The following TFEB variants were observed in gnomAD, a reference collection of about 807,000 sequenced individuals.
TFEB encodes T-cell transcription factor EB.
In TFEB, 12 loss-of-function variants were observed where a neutral mutation model predicts 48.0. The ratio of observed to expected loss-of-function variants is 0.25; its 90% CI spans 0.16 to 0.40. The LOEUF (loss-of-function observed/expected upper bound fraction) is 0.40, where lower values mean the gene tolerates loss of function less well. Ranked by LOEUF, TFEB falls within the 10% of genes least tolerant of loss-of-function variation. TFEB has a pLI of 1.00. For missense variants in TFEB, 509 were observed against 640.3 expected, an observed-to-expected ratio of 0.79 and a Z score of 2.21; for synonymous variants, 244 against 261.4, an observed-to-expected ratio of 0.93 and a Z score of 0.64.
chr6:41,732,335 G>A (rs1335932786), intron 1 of TFEB, among the ~76,000 whole-genome samples: 3 of 152,192 alleles, frequency 2.0e-5, no homozygotes, highest in African/African-American at 7.2e-5. Context: ...TCCAGGCTGT[G>A]TGATTTTAAG....
chr6:41,684,878 G>A lies in TFEB; in HGVS notation c.1152C>T (p.Pro384=). 3.2e-6 allele frequency: 5 copies of A among 1,569,758 alleles called. No individual in the cohort carries two copies. Among genetic ancestry groups the A allele is most frequent in the South Asian group, 1.2e-5 (1 of 84,166 alleles). Residue 384 remains proline (P), a synonymous_variant, in exon 9 of 9, where the codon CCC becomes CCT. Transcript: ENST00000373033. Reference sequence around the variant, plus strand: ...GATGGAATGGGGATGGTGGCTGGGTGGGCAGGGGCAGCGGGGCTTGCGGGG... The same window carrying A: ...GATGGAATGGGGATGGTGGCTGGGTAGGCAGGGGCAGCGGGGCTTGCGGGG... ...ALPPQAPLPL[P]TQPPSPFHHL... is the part of the protein sequence containing the mutation.
chr6:41,687,003 C>G, intron 7 of TFEB, 91 bp downstream of exon 7: 5 of 1,046,540 alleles, frequency 4.8e-6, no homozygotes, highest in South Asian at 1.3e-5. Flanking sequence ...CTCCTCCCAT[C>G]CTAGTAACTA....
intron 1 of TFEB, among the ~76,000 whole-genome samples, chr6:41,710,302 C>A (rs1770422024): frequency 6.6e-6 from 1 of 152,166 alleles, no homozygotes; most frequent in African/African-American, 2.4e-5. Context: ...TCATGCCATG[C>A]CAGTACCCAT....
At chr6:41,718,183 G>C (rs905905647) in intron 1 of TFEB, among the ~76,000 whole-genome samples, 2 of 146,280 alleles carry the variant, frequency 1.4e-5, no homozygotes. Context: ...AATTTTGGGG[G>C]TGTTTTTTTT....
chr6:41,733,531 G>T, intron 1 of TFEB: 3 of 768,976 alleles, frequency 3.9e-6, no homozygotes, highest in Non-Finnish European at 4.7e-6. Flanking sequence ...CACCCAAACA[G>T]CTCTGCCCTT....
Position 41,689,713 on chromosome 6 carries a change from C to A in TFEB, c.549+18G>T. The A allele has an allele frequency of 6.2e-7, 1 of 1,611,608 alleles. No homozygotes were observed. The highest frequency in any genetic ancestry group is 2.2e-5 in the East Asian group (1 of 44,872). ...CCCTAGAACCCTTGCACACCCACCC[C>A]ACCCTAGCCAGGAGTACCGTGTTGG... On this transcript the variant is annotated intron_variant, in intron 4 of 8. Coordinates refer to ENST00000373033, the MANE Select transcript of TFEB (RefSeq NM_001271944.2).
intron 1 of TFEB, chr6:41,732,607 A>G (rs920495730): frequency 9.8e-5 from 97 of 985,840 alleles, no homozygotes; most frequent in Non-Finnish European, 3.4e-5. Flanking sequence ...CAACCATTAC[A>G]TAAACCCCAC....
chr6:41,734,444 C>T lies in TFEB; in HGVS notation c.-23+906G>A. 1 of 942,900 alleles carries T rather than the reference C, an allele frequency of 1.1e-6. No individual in the cohort carries two copies. Among genetic ancestry groups the T allele is most frequent in the Non-Finnish European group, 1.3e-6 (1 of 791,476 alleles). The allele number at this position is 942,900 out of a possible 1,614,324, so 58.4% of individuals were successfully genotyped here. A position where few individuals can be genotyped will look rare whatever the true frequency, so the allele number is the denominator to read the frequency against. On this transcript the variant is annotated intron_variant, in intron 1 of 8. Transcript: ENST00000373033. The surrounding 1 kb of genome is among the most constrained non-coding windows in gnomAD (Gnocchi z 4.0). ...AGGGGGCCGAGCTGGCATCTGCCCGCTCCCTTCCAGGAGGCGAGCGGACGC... is the reference window on the plus strand; with the variant it reads ...AGGGGGCCGAGCTGGCATCTGCCCGTTCCCTTCCAGGAGGCGAGCGGACGC...
rs1038319678 is a variant in TFEB, at chr6:41,724,939, G to T, written c.-23+10411C>A. 2.6e-5 allele frequency among the ~76,000 whole-genome samples: 4 copies of T among 152,160 alleles called. No homozygotes were observed. The highest frequency in any genetic ancestry group is 9.7e-5 in the African/African-American group (4 of 41,438). On this transcript the variant is annotated intron_variant, in intron 1 of 8. Coordinates refer to ENST00000373033, the MANE Select transcript of TFEB (RefSeq NM_001271944.2). The surrounding 1 kb of genome is among the most constrained non-coding windows in gnomAD (Gnocchi z 4.4). ...AGGAAGAAGGGCCAGTGCTGAAAAG[G>T]CCTGGCTCTACTGGAACGCAACAGC...
intron 1 of TFEB, among the ~76,000 whole-genome samples, chr6:41,729,063 G>A (rs1771340036): frequency 6.6e-6 from 1 of 151,908 alleles, no homozygotes; most frequent in Admixed American, 6.6e-5. Context: ...AGGACTGGCG[G>A]GCTCAGACAC....
intron 8 of TFEB, among the ~76,000 whole-genome samples, chr6:41,685,478 TAAG>T (rs1470652270): frequency 6.6e-6 from 1 of 152,156 alleles, no homozygotes; most frequent in Non-Finnish European, 1.5e-5. Flanking sequence ...TCATCTACCA[TAAG>T]AAAGAGAAAC....
At chr6:41,735,860 A>T (rs1287705492), upstream of TFEB, among the ~76,000 whole-genome samples, 1 of 152,146 alleles carries the variant, frequency 6.6e-6, no homozygotes, top group South Asian at 2.1e-4. Context: ...ACTAAGATAC[A>T]TTCTGTAGCC....
At chr6:41,696,002 C>G (rs770040975) in intron 1 of TFEB, among the ~76,000 whole-genome samples, 33 of 152,190 alleles carry the variant, frequency 2.2e-4, no homozygotes, top group Admixed American at 1.3e-3. Context: ...GTGAGGACAC[C>G]GAGTGGCCAG....
At chr6:41,732,575 T>C in intron 1 of TFEB, 1 of 985,870 alleles carries the variant, frequency 1.0e-6, no homozygotes, top group South Asian at 4.7e-5. Flanking sequence ...TCCTAGACAC[T>C]TTAACCACAC....
chr6:41,726,423 T>A (rs990486839), intron 1 of TFEB, among the ~76,000 whole-genome samples: 26 of 152,280 alleles, frequency 1.7e-4, no homozygotes, highest in African/African-American at 6.3e-4. Context: ...TTTATTCACC[T>A]GGGTGATGGT....
intron 1 of TFEB, chr6:41,733,493 T>C (rs1419151594): frequency 3.4e-5 from 14 of 416,552 alleles, no homozygotes; most frequent in Non-Finnish European, 4.5e-5. Flanking sequence ...ACCATTGGCT[T>C]CCCTCGGGGA....
intron 1 of TFEB, among the ~76,000 whole-genome samples, chr6:41,696,927 T>C (rs1046478231): frequency 3.3e-5 from 5 of 152,218 alleles, no homozygotes; most frequent in African/African-American, 1.2e-4. Context: ...CTAATTACCC[T>C]TGGGGGAGTG....
chr6:41,689,795 T>A lies in TFEB; in HGVS notation c.485A>T (p.Asp162Val), dbSNP rs780602753. The change falls in exon 4 of 9, where the codon GAC becomes GTC. Residue 162 changes from aspartate (D) to valine (V), a missense_variant. This residue lies in a region of TFEB where 251 missense variants were observed against 317.2 expected (regional missense o/e 0.79). Coordinates refer to ENST00000373033, the MANE Select transcript of TFEB (RefSeq NM_001271944.2). ...NPERELDDVI[D>V]NIMRLDDVLG... Reference sequence around the variant, plus strand: ...GACATCGTCCAGACGCATAATGTTGTCAATGACATCATCCAACTGGAAAAG... The same window carrying A: ...GACATCGTCCAGACGCATAATGTTGACAATGACATCATCCAACTGGAAAAG... 6.2e-7 allele frequency: 1 copy of A among 1,613,948 alleles called. No homozygotes were observed.
At chr6:41,719,850 A>G (rs1449429243) in intron 1 of TFEB, among the ~76,000 whole-genome samples, 1 of 152,072 alleles carries the variant, frequency 6.6e-6, no homozygotes, top group Non-Finnish European at 1.5e-5. Flanking sequence ...CAGCTCTCCC[A>G]TTTACTAGCT....
Sources: gnomAD v4.1 joint callset for allele counts (sites outside exome capture counted in the v4.1 genomes callset) on GRCh38, gnomAD v4.1.1 for gene constraint, gnomAD v4.1.1 regional missense constraint, Gnocchi (gnomAD v3.1) non-coding constraint, MANE v1.5 for transcripts, NCBI Gene and HGNC (gene_info 2026-07-23, HGNC 2026-07-21) for gene names.